PHF14: variants seen among roughly 807,000 people sequenced by gnomAD.
PHF14 encodes the protein PHD finger protein 14.
In PHF14, 55 loss-of-function variants were observed where a neutral mutation model predicts 117.9. That is an observed-to-expected ratio of 0.47 (90% CI 0.38 to 0.58). The LOEUF is 0.58. PHF14 is among the 20% of genes least tolerant of loss of function. The pLI is 0.00. For missense variants in PHF14, 978 were observed against 1,122.2 expected, an observed-to-expected ratio of 0.87 and a Z score of 1.84; for synonymous variants, 409 against 368.6, an observed-to-expected ratio of 1.11 and a Z score of -1.26.
intron 16 of PHF14, among the ~76,000 whole-genome samples, chr7:11,064,354 C>A (rs1335667769): frequency 1.3e-5 from 2 of 151,896 alleles, no homozygotes; most frequent in Non-Finnish European, 2.9e-5. Flanking sequence ...TAAATACTAT[C>A]TTTACATGCT....
At chr7:11,022,799 A>G in intron 5 of PHF14, 69 bp from the exon 6 acceptor site, 1 of 793,150 alleles carries the variant, frequency 1.3e-6, no homozygotes, top group Non-Finnish European at 2.0e-6. Flanking sequence ...CAAGCGTTTT[A>G]TATGTTTGTT....
intron 17 of PHF14, among the ~76,000 whole-genome samples, chr7:11,159,811 GAA>G (rs1015801704): frequency 2.6e-5 from 4 of 151,984 alleles, no homozygotes; most frequent in African/African-American, 9.7e-5. Flanking sequence ...TTTATAGAAA[GAA>G]AAAATTCTAA....
chr7:11,118,710 T>A (rs543255656), intron 17 of PHF14, among the ~76,000 whole-genome samples: 1 of 151,944 alleles, frequency 6.6e-6, no homozygotes, highest in African/African-American at 2.4e-5. Flanking sequence ...AAACATAGAT[T>A]GTTTATTAGT....
intron 5 of PHF14, among the ~76,000 whole-genome samples, chr7:11,021,301 T>C (rs369140808): frequency 2.0e-5 from 3 of 152,324 alleles, no homozygotes; most frequent in East Asian, 3.9e-4. Flanking sequence ...GAAGATTTTT[T>C]TTTAAATTGT....
chr7:11,032,920 A>G (rs962143778), intron 7 of PHF14, among the ~76,000 whole-genome samples: 2 of 152,214 alleles, frequency 1.3e-5, no homozygotes, highest in African/African-American at 4.8e-5. Flanking sequence ...GATGGATCTT[A>G]CATACTGGAC....
chr7:11,163,817 G>T (rs1164908680), intron 17 of PHF14, among the ~76,000 whole-genome samples: 1 of 152,090 alleles, frequency 6.6e-6, no homozygotes, highest in African/African-American at 2.4e-5. Context: ...TACATATCTA[G>T]CATATGTTTT....
intron 16 of PHF14, chr7:11,063,131 T>C: frequency 1.1e-6 from 1 of 951,432 alleles, no homozygotes; most frequent in Non-Finnish European, 1.3e-6. Context: ...TTTTATGCTA[T>C]CAATGAGAAA....
intron 13 of PHF14, among the ~76,000 whole-genome samples, chr7:11,044,860 A>G (rs1450810953): frequency 2.0e-5 from 3 of 151,988 alleles, no homozygotes; most frequent in African/African-American, 7.2e-5. Context: ...TTGTTTTTGT[A>G]TTTGTTTTGG....
At chr7:10,974,448 C>T (rs1004362854) in intron 1 of PHF14, 124 bp downstream of exon 1, 8 of 827,108 alleles carry the variant, frequency 9.7e-6, no homozygotes, top group African/African-American at 6.8e-5. Flanking sequence ...GACCCTCGCC[C>T]TCCATGGTCC....
intron 16 of PHF14, among the ~76,000 whole-genome samples, chr7:11,099,298 CTT>C (rs1338681953): frequency 6.6e-6 from 1 of 151,776 alleles, no homozygotes; most frequent in Non-Finnish European, 1.5e-5. Context: ...CTTTAAGTGT[CTT>C]TGTATTATTC....
chr7:10,987,237 T>A (rs1782255155), intron 3 of PHF14, among the ~76,000 whole-genome samples: 2 of 152,150 alleles, frequency 1.3e-5, no homozygotes, highest in South Asian at 4.1e-4. Context: ...TTTAACCTTT[T>A]CTAAAAATGT....
At chr7:11,016,970 T>C (rs1005299105) in intron 5 of PHF14, among the ~76,000 whole-genome samples, 2 of 152,212 alleles carry the variant, frequency 1.3e-5, no homozygotes, top group African/African-American at 4.8e-5. Context: ...GTTTGGTTTT[T>C]AGATCCCACA....
chr7:11,042,524 T>C (rs926485873), intron 12 of PHF14, among the ~76,000 whole-genome samples, 159 bp from the exon 13 acceptor site: 4 of 151,998 alleles, frequency 2.6e-5, no homozygotes, highest in Non-Finnish European at 5.9e-5. Context: ...TTACTGACAT[T>C]GTAAAAAGAT....
At chr7:11,141,382 G>A (rs1206021638) in intron 17 of PHF14, among the ~76,000 whole-genome samples, 3 of 152,000 alleles carry the variant, frequency 2.0e-5, no homozygotes, top group Non-Finnish European at 4.4e-5. Flanking sequence ...CTGTCTCCAA[G>A]TCTAATGGTC....
chr7:11,114,402 G>A (rs1197316786), intron 17 of PHF14, among the ~76,000 whole-genome samples: 2 of 151,938 alleles, frequency 1.3e-5, no homozygotes, highest in East Asian at 3.9e-4. Context: ...ATATGGGGTT[G>A]TATGAGGGCA....
intron 4 of PHF14, among the ~76,000 whole-genome samples, chr7:10,996,954 A>G (rs1782674048): frequency 6.6e-6 from 1 of 152,150 alleles, no homozygotes; most frequent in Non-Finnish European, 1.5e-5. Flanking sequence ...TTGTTAGTGG[A>G]CAGAGTAGGT....
At chr7:11,040,534 G>A in intron 11 of PHF14, 138 bp from the exon 12 acceptor site, 2 of 406,840 alleles carry the variant, frequency 4.9e-6, no homozygotes. Context: ...AATCCTTTTT[G>A]CCAATGTAAA....
chr7:11,150,013 GTTAATA>G (rs1393057841), intron 17 of PHF14, among the ~76,000 whole-genome samples: 2 of 152,144 alleles, frequency 1.3e-5, no homozygotes, highest in Non-Finnish European at 2.9e-5. Context: ...AAGCATATAT[GTTAATA>G]TTAAGTATAA....
In PHF14 at chr7:11,133,885, G is replaced by C. The variant is rs62440515; in HGVS notation, c.2772+22418G>C. Among the ~76,000 whole-genome samples, 743 of 152,162 alleles carry C rather than the reference G, an allele frequency of 4.9e-3. 3 individuals carry two copies. Among genetic ancestry groups the C allele is most frequent in the Non-Finnish European group, 8.3e-3 (565 of 67,928 alleles). On this transcript the variant is annotated intron_variant, in intron 17 of 17. Coordinates refer to ENST00000634607, the MANE Select transcript of PHF14 (RefSeq NM_001007157.2). Reference sequence around the variant, plus strand: ...GTTTTAGTTTATAGAAGAGTTTGTAGGAAATAATTTTGGAGTTTGAACTTT... The same window carrying C: ...GTTTTAGTTTATAGAAGAGTTTGTACGAAATAATTTTGGAGTTTGAACTTT...
Sources: allele counts gnomAD v4.1 joint callset (sites outside exome capture counted in the v4.1 genomes callset), GRCh38; gene constraint gnomAD v4.1.1; transcripts MANE v1.5; gene names NCBI Gene and HGNC (gene_info 2026-07-23, HGNC 2026-07-21).